The following RPP14 variants were observed in gnomAD, a reference collection of about 807,000 sequenced individuals.
RPP14 encodes the protein ribonuclease P protein subunit p14.
A neutral mutation model predicts 17.8 loss-of-function variants in RPP14; 19 were observed. The ratio of observed to expected loss-of-function variants is 1.07; its 90% confidence interval spans 0.74 to 1.57. RPP14 has a LOEUF of 1.57. RPP14 is among the 40% of genes most tolerant of loss of function. The pLI is 0.00. For synonymous variants in RPP14, 60 were observed against 56.4 expected, an observed-to-expected ratio of 1.06 and a Z score of -0.29; for missense variants, 125 against 140.8, an observed-to-expected ratio of 0.89 and a Z score of 0.57.
Position 58,317,680 on chromosome 3 carries a change from C to T in RPP14, c.*184C>T, listed in dbSNP as rs960476631. The T allele has an allele frequency of 2.8e-6, 2 of 705,218 alleles. No homozygotes were observed. Among genetic ancestry groups the T allele is most frequent in the Admixed American group, 4.0e-5 (2 of 50,004 alleles). The allele number at this position is 705,218 out of a possible 1,614,324, so 43.7% of individuals were successfully genotyped here. A position where few individuals can be genotyped will look rare whatever the true frequency, so the allele number is the denominator to read the frequency against. On this transcript the variant is annotated 3_prime_UTR_variant, in exon 6 of 6. Transcript: ENST00000295959. ...GCTTCGGAGGACAGTCTGTCTGAAC[C>T]TGCCAGTGCTGACCCTGCAGCACTT...
rs1007786600 is a variant in RPP14 at position 58,318,366 on chromosome 3, T to C, written c.*870T>C. The C allele has an allele frequency of 1.1e-5, 4 of 356,582 alleles. No homozygotes were observed. Among genetic ancestry groups the C allele is most frequent in the Non-Finnish European group, 2.0e-5 (4 of 198,980 alleles). The allele number at this position is 356,582 out of a possible 1,614,324, so 22.1% of individuals were successfully genotyped here. On this transcript the variant is annotated 3_prime_UTR_variant, in exon 6 of 6. Coordinates refer to ENST00000295959, the MANE Select transcript of RPP14 (RefSeq NM_007042.6). ...TTTTGTTTGTTTTTTGTTTTTTAAT[T>C]CAAGAAGTAGGCTGGGCCCGGTGGC...
At chr3:58,312,332 G>GCCCCGC (rs1217680908) in intron 3 of RPP14, among the ~76,000 whole-genome samples, 1 of 85,326 alleles carries the variant, frequency 1.2e-5, no homozygotes, top group African/African-American at 4.1e-5. Flanking sequence ...CACAACCTCC[G>GCCCCGC]CACCCCCCCC....
chr3:58,315,555 A>G (rs1187082033), intron 3 of RPP14: 2 of 152,124 alleles, frequency 1.3e-5, no homozygotes, highest in Non-Finnish European at 2.9e-5. Context: ...AATCTGAATA[A>G]CCTCTGGTTT....
rs2107510502 is a variant in RPP14, at chr3:58,317,589, T to C, written c.*93T>C. 2.3e-6 allele frequency: 2 copies of C among 873,124 alleles called. No individual in the cohort carries two copies. The highest frequency in any genetic ancestry group is 4.9e-5 in the East Asian group (2 of 40,916). The allele number at this position is 873,124 out of a possible 1,614,324, so 54.1% of individuals were successfully genotyped here. A position where few individuals can be genotyped will look rare whatever the true frequency, so the allele number is the denominator to read the frequency against. On this transcript the variant is annotated 3_prime_UTR_variant, in exon 6 of 6. Coordinates refer to ENST00000295959, the MANE Select transcript of RPP14 (RefSeq NM_007042.6). The stretch of plus-strand genomic sequence containing the variant: ...GAAGACTGAAGCAGGCTAAAAGCTC[T>C]TGATGAAATTTGAGGGTGCTGAAGA...
Position 58,310,498 on chromosome 3 carries a change from T to C in RPP14, c.78-9T>C. Reference sequence around the variant, plus strand: ...TTAATATGACTTTTTTTTTTTTCACTTTTTTTAGAGAATTTCAAGATTGTG... The same window carrying C: ...TTAATATGACTTTTTTTTTTTTCACCTTTTTTAGAGAATTTCAAGATTGTG... On this transcript the variant is annotated splice_polypyrimidine_tract_variant and intron_variant, in intron 2 of 5. Coordinates refer to ENST00000295959, the MANE Select transcript of RPP14 (RefSeq NM_007042.6). 1 of 1,605,054 alleles carries C rather than the reference T, an allele frequency of 6.2e-7. No individual in the cohort carries two copies. Among genetic ancestry groups the C allele is most frequent in the Non-Finnish European group, 8.5e-7 (1 of 1,176,056 alleles).
Position 58,317,944 on chromosome 3 carries a change from G to A in RPP14, c.*448G>A, listed in dbSNP as rs375718267. 1 of 702,736 alleles carries A rather than the reference G, an allele frequency of 1.4e-6. No individual in the cohort carries two copies. The highest frequency in any genetic ancestry group is 1.7e-5 in the African/African-American group (1 of 57,234). 43.5% of individuals were successfully genotyped at this position (702,736 alleles called of 1,614,324 possible). ...GCCAGGCTGTGTATTTCTTTCCCAG[G>A]AAATTAGCTTTCCAGCCCCTTTATA... is the stretch of plus-strand genomic sequence containing the variant. On this transcript the variant is annotated 3_prime_UTR_variant, in exon 6 of 6. Coordinates refer to ENST00000295959, the MANE Select transcript of RPP14 (RefSeq NM_007042.6).
At chr3:58,306,674 T>C (rs1444026392) in intron 1 of RPP14, 1 of 152,216 alleles carries the variant, frequency 6.6e-6, no homozygotes, top group Non-Finnish European at 1.5e-5. Context: ...TAGTGGTTGT[T>C]GAAAAATATT....
At chr3:58,315,843 A>G (rs1470509577) in intron 3 of RPP14, 1 of 152,126 alleles carries the variant, frequency 6.6e-6, no homozygotes, top group Non-Finnish European at 1.5e-5. Flanking sequence ...CACCCGGCTA[A>G]TTTTGTATTT....
intron 1 of RPP14, among the ~76,000 whole-genome samples, chr3:58,309,613 C>T (rs998437182): frequency 3.9e-5 from 6 of 152,152 alleles, no homozygotes; most frequent in African/African-American, 7.2e-5. Context: ...AACAGGAGGC[C>T]AGGCACAGTG....
intron 3 of RPP14, among the ~76,000 whole-genome samples, 198 bp from the exon 4 acceptor site, chr3:58,316,314 GACA>G (rs2097488234): frequency 2.0e-5 from 3 of 152,220 alleles, no homozygotes; most frequent in Admixed American, 2.0e-4. Flanking sequence ...AAGGATGAGA[GACA>G]TCAGCCATAT....
intron 3 of RPP14, among the ~76,000 whole-genome samples, chr3:58,311,404 C>G (rs1043268170): frequency 4.6e-5 from 7 of 152,226 alleles, no homozygotes; most frequent in Admixed American, 2.0e-4. Flanking sequence ...ATCCACGCGC[C>G]TTGGGCTCCC....
intron 1 of RPP14, among the ~76,000 whole-genome samples, chr3:58,309,674 G>A (rs9867776): frequency 0.35 from 53,320 of 151,956 alleles, 10,256 homozygotes; most frequent in East Asian, 0.81. Flanking sequence ...GGCGTATCAC[G>A]AGGTCAGGAG....
chr3:58,317,421 C>A lies in RPP14; in HGVS notation c.319-19C>A. ...GTGTGGTTTCTCCCAATGCCTTAAC[C>A]TTTTTCTTTCTCTTCTAGGTTTCTC... On this transcript the variant is annotated intron_variant, in intron 5 of 5. Transcript: ENST00000295959. 1 of 1,566,076 alleles carries A rather than the reference C, an allele frequency of 6.4e-7. No homozygotes were observed. Among genetic ancestry groups the A allele is most frequent in the South Asian group, 1.1e-5 (1 of 89,384 alleles).
chr3:58,313,128 G>A lies in RPP14; in HGVS notation c.162+2537G>A, dbSNP rs566604840. ...AACACAAAAAGCCGGGCGCAGCGGC[G>A]GGCACCTGTAGTCCCAGCTACTCGG... On this transcript the variant is annotated intron_variant, in intron 3 of 5. Coordinates refer to ENST00000295959, the MANE Select transcript of RPP14 (RefSeq NM_007042.6). Among the ~76,000 whole-genome samples, 11 of 151,744 alleles carry A rather than the reference G, an allele frequency of 7.2e-5. No individual in the cohort carries two copies. The South Asian group carries it at 1.5e-3, about 20-fold the overall frequency.
chr3:58,318,425 C>G lies in RPP14; in HGVS notation c.*929C>G, dbSNP rs1184521502. On this transcript the variant is annotated 3_prime_UTR_variant, in exon 6 of 6. Transcript: ENST00000295959. The stretch of plus-strand genomic sequence containing the variant: ...GTAATCCTGGCACTTTGGGAGGCTG[C>G]GGCAGGCGGATCACTTGAGGTCAGG... 1 of 177,880 alleles carries G rather than the reference C, an allele frequency of 5.6e-6. No homozygotes were observed. Among genetic ancestry groups the G allele is most frequent in the Non-Finnish European group, 1.1e-5 (1 of 89,192 alleles). 11.0% of individuals were successfully genotyped at this position (177,880 alleles called of 1,614,324 possible). A position where few individuals can be genotyped will look rare whatever the true frequency, so the allele number is the denominator to read the frequency against.
At chr3:58,313,704 A>G (rs374690084) in intron 3 of RPP14, among the ~76,000 whole-genome samples, 2 of 152,210 alleles carry the variant, frequency 1.3e-5, no homozygotes, top group East Asian at 3.9e-4. Flanking sequence ...GTGCACTGAT[A>G]GTCCCAACTA....
intron 3 of RPP14, among the ~76,000 whole-genome samples, chr3:58,314,708 T>C (rs1233111847): frequency 2.4e-5 from 3 of 123,634 alleles, no homozygotes; most frequent in East Asian, 2.6e-4. Context: ...TTTGTTGAGA[T>C]GGAGTCTCGT....
chr3:58,309,748 C>G (rs930199249), intron 1 of RPP14, among the ~76,000 whole-genome samples: 1 of 151,900 alleles, frequency 6.6e-6, no homozygotes, highest in Non-Finnish European at 1.5e-5. Flanking sequence ...AAAAGGTAGC[C>G]GGGCGTGGTA....
In RPP14 at chr3:58,316,973, T is replaced by C. The variant is rs1438658135; in HGVS notation, c.298T>C (p.Cys100Arg). Residue 100 changes from cysteine (C) to arginine (R), a missense_variant, in exon 5 of 6, where the codon TGT becomes CGT. Physicochemically the swap from Cys to Arg is radical, Grantham distance 180. Transcript: ENST00000295959. ...TLLGSYKGKK[C>R]AFRVIQVSPF... ...GTTAGGATCCTATAAAGGCAAAAAA[T>C]GTGCTTTCCGGGTGATTCAGGTAAA... The C allele has an allele frequency of 6.2e-7, 1 of 1,613,936 alleles. No homozygotes were observed. Among genetic ancestry groups the C allele is most frequent in the Non-Finnish European group, 8.5e-7 (1 of 1,179,860 alleles).
Sources: gnomAD v4.1 joint callset for allele counts (sites outside exome capture counted in the v4.1 genomes callset) on GRCh38, gnomAD v4.1.1 for gene constraint, MANE v1.5 for transcripts, NCBI Gene and HGNC (gene_info 2026-07-23, HGNC 2026-07-21) for gene names.